ADAM12: variants seen among roughly 807,000 people sequenced by gnomAD.
ADAM12 encodes disintegrin and metalloproteinase domain-containing protein 12.
A neutral mutation model predicts 106.4 loss-of-function variants in ADAM12; 70 were observed. That is an observed-to-expected ratio of 0.66 (90% confidence interval 0.54 to 0.80). The LOEUF (loss-of-function observed/expected upper bound fraction) is 0.80. ADAM12 is among the 30% of genes least tolerant of loss of function. The pLI is 0.00. For missense variants in ADAM12, 1,010 were observed against 1,171.9 expected, an observed-to-expected ratio of 0.86 and a Z score of 2.02; for synonymous variants, 420 against 433.5, an observed-to-expected ratio of 0.97 and a Z score of 0.39.
At chr10:126,310,243 C>T (rs1380002696) in intron 2 of ADAM12, among the ~76,000 whole-genome samples, 1 of 151,292 alleles carries the variant, frequency 6.6e-6, no homozygotes, top group Non-Finnish European at 1.5e-5. Flanking sequence ...AACAAGCAGA[C>T]AGAAGACAGA....
intron 3 of ADAM12, among the ~76,000 whole-genome samples, chr10:126,234,620 G>A (rs1335679999): frequency 6.6e-6 from 1 of 152,214 alleles, no homozygotes; most frequent in Non-Finnish European, 1.5e-5. Context: ...GAACTTGCCT[G>A]GCGAGAAACA....
intron 12 of ADAM12, among the ~76,000 whole-genome samples, chr10:126,069,288 TA>T (rs1374968731): frequency 1.3e-5 from 2 of 151,852 alleles, no homozygotes; most frequent in South Asian, 2.1e-4. Context: ...AAGCAAAAAA[TA>T]AAAAAAAGCA....
intron 8 of ADAM12, among the ~76,000 whole-genome samples, chr10:126,105,565 C>T (rs1955749891): frequency 6.6e-6 from 1 of 152,180 alleles, no homozygotes. Context: ...ACTGGAGGAC[C>T]CTGGAGAATA....
intron 1 of ADAM12, among the ~76,000 whole-genome samples, chr10:126,335,218 G>T (rs1169837817): frequency 1.3e-5 from 2 of 152,146 alleles, no homozygotes; most frequent in African/African-American, 4.8e-5. Flanking sequence ...GCCACCCAGT[G>T]GGCCATTGAG....
At chr10:126,137,679 G>A (rs1182248498) in intron 4 of ADAM12, among the ~76,000 whole-genome samples, 1 of 152,178 alleles carries the variant, frequency 6.6e-6, no homozygotes, top group Non-Finnish European at 1.5e-5. Flanking sequence ...TAAGCATGGT[G>A]TTCTCAAGTT....
At chr10:126,166,504 T>TTTTG (rs1957026911) in intron 3 of ADAM12, among the ~76,000 whole-genome samples, 1 of 152,058 alleles carries the variant, frequency 6.6e-6, no homozygotes, top group Non-Finnish European at 1.5e-5. Context: ...TTTTTTTGTT[T>TTTTG]TTTGTTTTTT....
intron 1 of ADAM12, among the ~76,000 whole-genome samples, 165 bp downstream of exon 1, chr10:126,387,893 G>GA (rs975596457): frequency 9.1e-5 from 12 of 131,864 alleles, no homozygotes; most frequent in Admixed American, 8.2e-4. Context: ...GGCACCTGGG[G>GA]GGGGGGGGTC....
At chr10:126,283,330 C>T (rs1959680943) in intron 2 of ADAM12, among the ~76,000 whole-genome samples, 1 of 152,152 alleles carries the variant, frequency 6.6e-6, no homozygotes, top group South Asian at 2.1e-4. Context: ...ATGAGTTTCC[C>T]TGGCTAATCT....
intron 1 of ADAM12, among the ~76,000 whole-genome samples, chr10:126,369,643 C>G (rs1301892514): frequency 6.6e-6 from 1 of 152,102 alleles, no homozygotes; most frequent in Admixed American, 6.5e-5. Flanking sequence ...AGCCACCTTA[C>G]CAATCAGATG....
At chr10:126,345,421 T>C (rs766412690) in intron 1 of ADAM12, among the ~76,000 whole-genome samples, 7 of 152,214 alleles carry the variant, frequency 4.6e-5, no homozygotes, top group Admixed American at 6.5e-5. Context: ...CTGGATTCGG[T>C]TTGCCAGTAT....
chr10:126,305,001 A>G (rs890625627), intron 2 of ADAM12, among the ~76,000 whole-genome samples: 1 of 152,108 alleles, frequency 6.6e-6, no homozygotes, highest in Non-Finnish European at 1.5e-5. Flanking sequence ...TGAGGATAGA[A>G]ACAATAGAAC....
rs1957818084 is a variant in ADAM12, at chr10:126,207,421, A to ATTAAGGTCTG, written c.261-52126_261-52117dup. Among the ~76,000 whole-genome samples the ATTAAGGTCTG allele has an allele frequency of 2.0e-5, 3 of 151,838 alleles. No individual in the cohort carries two copies. The South Asian group carries it at 6.2e-4, about 32-fold the overall frequency. On this transcript the variant is annotated intron_variant, in intron 3 of 22. Transcript: ENST00000448723. ...AGTGCAAATTACGCAAGCTATTATA[A>ATTAAGGTCTG]TTAAGGTCTGATATTTTATGTGAAA...
At chr10:126,041,319 T>C in intron 18 of ADAM12, 2 of 985,728 alleles carry the variant, frequency 2.0e-6, no homozygotes, top group African/African-American at 3.5e-5. Context: ...ATTTTATATA[T>C]GTATGAACAG....
At chr10:126,142,958 G>A (rs1313114869) in intron 4 of ADAM12, among the ~76,000 whole-genome samples, 1 of 151,828 alleles carries the variant, frequency 6.6e-6, no homozygotes, top group Non-Finnish European at 1.5e-5. Flanking sequence ...ATATATGCAT[G>A]TGTGTATATC....
intron 3 of ADAM12, among the ~76,000 whole-genome samples, chr10:126,254,932 C>T (rs1464391992): frequency 2.0e-5 from 3 of 152,240 alleles, no homozygotes; most frequent in Admixed American, 1.3e-4. Flanking sequence ...TCTCTCTTCC[C>T]TGACATCAGT....
chr10:126,040,955 A>G (rs1313716246), intron 18 of ADAM12, among the ~76,000 whole-genome samples: 7 of 151,640 alleles, frequency 4.6e-5, no homozygotes, highest in African/African-American at 1.5e-4. Flanking sequence ...CCCAGTCCGC[A>G]CTCTAGAATC....
chr10:126,384,448 AAC>A (rs2133940690), intron 1 of ADAM12, among the ~76,000 whole-genome samples: 1 of 152,324 alleles, frequency 6.6e-6, no homozygotes, highest in South Asian at 2.1e-4. Context: ...CAGATGATTC[AAC>A]ACAGGAAGGA....
chr10:126,295,961 C>T (rs2133789687), intron 2 of ADAM12, among the ~76,000 whole-genome samples: 1 of 151,862 alleles, frequency 6.6e-6, no homozygotes, highest in African/African-American at 2.4e-5. Context: ...ACACACACCC[C>T]ATGGGTAAAT....
intron 3 of ADAM12, among the ~76,000 whole-genome samples, chr10:126,244,207 T>C (rs983467192): frequency 1.3e-5 from 2 of 152,208 alleles, no homozygotes; most frequent in African/African-American, 4.8e-5. Context: ...CAACATGAGT[T>C]GTATTCAAAG....
Sources: gnomAD v4.1 joint callset for allele counts (sites outside exome capture counted in the v4.1 genomes callset) on GRCh38, gnomAD v4.1.1 for gene constraint, MANE v1.5 for transcripts, NCBI Gene and HGNC (gene_info 2026-07-23, HGNC 2026-07-21) for gene names.